Variants in GPBP1 observed in about 807,000 individuals in gnomAD.
The protein encoded by GPBP1 is vasculin.
GPBP1 carries 13 observed loss-of-function variants against 56.5 expected under a neutral mutation model. The ratio of observed to expected loss-of-function variants is 0.23; its 90% CI spans 0.15 to 0.37. GPBP1 has a LOEUF of 0.37. GPBP1 is among the 10% of genes least tolerant of loss of function. The probability of loss-of-function intolerance (pLI) is 1.00; values close to 1 mark genes in which losing one functional copy is unlikely to be tolerated. For synonymous variants in GPBP1, 204 were observed against 188.9 expected, an observed-to-expected ratio of 1.08 and a Z score of -0.66; for missense variants, 477 against 572.3, an observed-to-expected ratio of 0.83 and a Z score of 1.70.
intron 5 of GPBP1, among the ~76,000 whole-genome samples, chr5:57,231,792 A>G (rs927461269): frequency 3.3e-5 from 5 of 152,290 alleles, no homozygotes; most frequent in South Asian, 2.1e-4. Flanking sequence ...GGCACACGCA[A>G]TACATACTGG....
intron 11 of GPBP1, 99 bp from the exon 12 acceptor site, chr5:57,262,495 T>G: frequency 1.2e-6 from 1 of 864,320 alleles, no homozygotes. Flanking sequence ...GTGTAGTTTT[T>G]GGGTTAGGAT....
At chr5:57,247,244 A>T (rs1741135838) in intron 8 of GPBP1, 29 bp downstream of exon 8, 10 of 1,559,232 alleles carry the variant, frequency 6.4e-6, no homozygotes, top group Non-Finnish European at 8.8e-6. Flanking sequence ...CACTTGAGGA[A>T]TGTAACATTT....
intron 3 of GPBP1, among the ~76,000 whole-genome samples, chr5:57,227,395 T>C (rs1477641431): frequency 6.6e-6 from 1 of 152,054 alleles, no homozygotes; most frequent in Non-Finnish European, 1.5e-5. Flanking sequence ...AGTTTCACTG[T>C]ATTGACCAGG....
chr5:57,196,723 G>A (rs1027278280), intron 2 of GPBP1, among the ~76,000 whole-genome samples: 49 of 152,184 alleles, frequency 3.2e-4, no homozygotes, highest in African/African-American at 1.2e-3. Flanking sequence ...CCCCCAAGTA[G>A]CTGGGACCAC....
In GPBP1 at chr5:57,249,415, C is replaced by T. The variant is rs371340047; in HGVS notation, c.811C>T (p.Arg271Cys). The change falls in exon 9 of 12, where the codon CGC (arginine) becomes TGC (cysteine). Residue 271 changes from arginine to cysteine, a missense_variant. Arg to Cys is a radical substitution (Grantham distance 180). Around this residue, in one of 2 missense-constraint regions of GPBP1, gnomAD observed 414 missense variants for 458.2 expected, o/e 0.90. Coordinates refer to ENST00000506184, the MANE Select transcript of GPBP1 (RefSeq NM_022913.4). ...PSTNSVKECNRSNSSSPVDKL... is the reference protein window; with the variant it reads ...PSTNSVKECNCSNSSSPVDKL... ...TTTCTGAATTTCCTCTTAGTGTAAT[C>T]GCTCAAATTCCTCTTCTCCTGTTGA... The T allele has an allele frequency of 5.0e-6, 8 of 1,592,906 alleles. No homozygotes were observed. Among genetic ancestry groups the T allele is most frequent in the Admixed American group, 3.7e-5 (2 of 54,256 alleles).
intron 3 of GPBP1, among the ~76,000 whole-genome samples, chr5:57,221,905 C>T (rs1284265451): frequency 2.6e-5 from 4 of 152,230 alleles, no homozygotes; most frequent in Non-Finnish European, 4.4e-5. Flanking sequence ...AGGTACATAG[C>T]CAGATTTCAT....
chr5:57,185,231 G>A (rs1194121341), intron 2 of GPBP1, among the ~76,000 whole-genome samples: 5 of 140,848 alleles, frequency 3.5e-5, no homozygotes, highest in African/African-American at 1.3e-4. Flanking sequence ...TTTAAAATTT[G>A]TTTTTGGCAA....
intron 10 of GPBP1, among the ~76,000 whole-genome samples, chr5:57,257,019 G>T (rs1580086556): frequency 6.6e-6 from 1 of 151,626 alleles, no homozygotes. Context: ...ATAATATGGG[G>T]CAGTGATAGT....
At position 57,237,357 on chromosome 5, in the gene GPBP1, T is replaced by C. The variant is rs1293952666; in HGVS notation, c.478+1325T>C. 8.5e-6 allele frequency: 5 copies of C among 585,818 alleles called. No individual in the cohort carries two copies. In the African/African-American group the frequency reaches 9.3e-5, roughly 11 times the overall value. 36.3% of individuals were successfully genotyped at this position (585,818 alleles called of 1,614,324 possible). On this transcript the variant is annotated intron_variant, in intron 6 of 11. Coordinates refer to ENST00000506184, the MANE Select transcript of GPBP1 (RefSeq NM_022913.4). ...CATATAAAACTATCTATAGATACTA[T>C]TGGTACTGATCCTGGGTTGATTTAA...
intron 2 of GPBP1, among the ~76,000 whole-genome samples, chr5:57,202,764 A>G (rs913613705): frequency 2.0e-5 from 3 of 152,222 alleles, no homozygotes; most frequent in Non-Finnish European, 4.4e-5. Flanking sequence ...AGAGGCAGGA[A>G]TGCCCTCTCT....
chr5:57,237,415 A>G (rs751589573), intron 6 of GPBP1: 10 of 463,620 alleles, frequency 2.2e-5, no homozygotes, highest in Non-Finnish European at 3.8e-5. Context: ...ACAAAGACAT[A>G]TTTGAAAATA....
rs141280917 is a variant in GPBP1, at chr5:57,190,728, G to C, written c.-58+14328G>C. ...TTTTTTTTTTTTTTTTTTTTCCTGA[G>C]ACAAGGTCTTGCTCTGTCACCCAGG... On this transcript the variant is annotated intron_variant, in intron 2 of 11. Coordinates refer to ENST00000506184, the MANE Select transcript of GPBP1 (RefSeq NM_022913.4). Among the ~76,000 whole-genome samples the C allele has an allele frequency of 3.9e-3, 373 of 94,900 alleles. 3 individuals carry two copies. Among genetic ancestry groups the C allele is most frequent in the African/African-American group, 0.014 (343 of 24,508 alleles). 62.3% of individuals were successfully genotyped at this position (94,900 alleles called of 152,430 possible).
chr5:57,174,893 T>C (rs1307850825), intron 1 of GPBP1, among the ~76,000 whole-genome samples: 1 of 152,206 alleles, frequency 6.6e-6, no homozygotes, highest in East Asian at 1.9e-4. Context: ...GGAAGTCTCC[T>C]CGGGAGAATT....
rs1580070099 is a variant in GPBP1 at position 57,246,326 on chromosome 5, G to C, written c.505G>C (p.Ala169Pro). 1.9e-6 allele frequency: 3 copies of C among 1,613,206 alleles called. No individual in the cohort carries two copies. The East Asian group carries it at 6.7e-5, about 36-fold the overall frequency. Reference sequence around the variant, plus strand: ...ATATCCTCCGAATCCTAAATCTAGAGCTCCAAGGATGCTGGTCATTAAGAA... The same window carrying C: ...ATATCCTCCGAATCCTAAATCTAGACCTCCAAGGATGCTGGTCATTAAGAA... ...WEYPPNPKSRAPRMLVIKKGN... is the reference protein window; with the variant it reads ...WEYPPNPKSRPPRMLVIKKGN... Residue 169 changes from alanine to proline, a missense_variant, in exon 7 of 12, where the codon GCT becomes CCT. Ala to Pro is a conservative substitution (Grantham distance 27). Around this residue, in one of 2 missense-constraint regions of GPBP1, gnomAD observed 414 missense variants for 458.2 expected, o/e 0.90. Transcript: ENST00000506184.
At chr5:57,211,644 C>T (rs1165022334) in intron 2 of GPBP1, among the ~76,000 whole-genome samples, 2 of 152,106 alleles carry the variant, frequency 1.3e-5, no homozygotes, top group Admixed American at 1.3e-4. Context: ...AGTGCAATGG[C>T]GCGATCTCTG....
At chr5:57,202,402 C>G (rs951397021) in intron 2 of GPBP1, among the ~76,000 whole-genome samples, 1 of 152,120 alleles carries the variant, frequency 6.6e-6, no homozygotes, top group African/African-American at 2.4e-5. Context: ...GATTCACCTG[C>G]CTCAGCGTCC....
chr5:57,227,394 GTA>G (rs892671538), intron 3 of GPBP1, among the ~76,000 whole-genome samples: 1 of 151,882 alleles, frequency 6.6e-6, no homozygotes, highest in Non-Finnish European at 1.5e-5. Context: ...GAGTTTCACT[GTA>G]TTGACCAGGC....
At chr5:57,201,858 G>C (rs1755036954) in intron 2 of GPBP1, among the ~76,000 whole-genome samples, 1 of 152,128 alleles carries the variant, frequency 6.6e-6, no homozygotes, top group African/African-American at 2.4e-5. Context: ...AGATACTGTA[G>C]TGAAAAAGTG....
chr5:57,229,743 G>C (rs908368760), intron 3 of GPBP1, among the ~76,000 whole-genome samples: 2 of 151,512 alleles, frequency 1.3e-5, no homozygotes, highest in Non-Finnish European at 1.5e-5. Context: ...TGTGTTGGCC[G>C]GACTGGTCTG....
Sources: gnomAD v4.1 joint callset for allele counts (sites outside exome capture counted in the v4.1 genomes callset) on GRCh38, gnomAD v4.1.1 for gene constraint, gnomAD v4.1.1 regional missense constraint, MANE v1.5 for transcripts, NCBI Gene and HGNC (gene_info 2026-07-23, HGNC 2026-07-21) for gene names.